TRMT44: variants seen among roughly 807,000 people sequenced by gnomAD.
TRMT44 encodes the protein tRNA methyltransferase 44 homolog, also known as probable tRNA (uracil-O(2)-)-methyltransferase.
TRMT44 carries 78 observed loss-of-function variants against 77.3 expected under a neutral mutation model. The observed-to-expected ratio is 1.01, with a 90% CI of 0.84 to 1.22. The LOEUF is 1.22. Among genes scored for constraint, TRMT44 ranks in the 50% most tolerant of loss-of-function variants. The pLI is 0.00. For synonymous variants in TRMT44, 391 were observed against 383.3 expected, an observed-to-expected ratio of 1.02 and a Z score of -0.23; for missense variants, 1,090 against 964.4, an observed-to-expected ratio of 1.13 and a Z score of -1.73.
chr4:8,485,260 T>G (rs943607863), intron 2 of TRMT44, among the ~76,000 whole-genome samples: 1 of 152,092 alleles, frequency 6.6e-6, no homozygotes, highest in Non-Finnish European at 1.5e-5. Context: ...AAAGCATCTT[T>G]AAGATCAAGA....
In TRMT44 at chr4:8,465,362, T is replaced by A; in HGVS notation, c.1311-16T>A. The stretch of plus-strand genomic sequence containing the variant: ...CTCAGGATGCTTGACCCTGTGGTTG[T>A]TGGTTCTTTTTGAAGGTCTTCCTAC... On this transcript the variant is annotated splice_polypyrimidine_tract_variant and intron_variant, in intron 7 of 10. Coordinates refer to ENST00000389737, the MANE Select transcript of TRMT44 (RefSeq NM_152544.3). 1 of 1,600,454 alleles carries A rather than the reference T, an allele frequency of 6.2e-7. No homozygotes were observed. The highest frequency in any genetic ancestry group is 1.1e-5 in the South Asian group (1 of 89,270).
rs1358370150 is a variant in TRMT44, at chr4:8,475,909, G to A, written c.2182G>A (p.Gly728Ser). The A allele has an allele frequency of 3.1e-6, 5 of 1,614,082 alleles. No individual in the cohort carries two copies. Among genetic ancestry groups the A allele is most frequent in the Middle Eastern group, 1.6e-4 (1 of 6,084 alleles). ...CTGGTTCTTCATGCATCACCCTGAT[G>A]GCTGCGCTCTGTCCACGGACTGCTG... Reference protein sequence around the residue: ...LCWFFMHHPDGCALSTDCCPF... With the variant: ...LCWFFMHHPDSCALSTDCCPF... The change falls in exon 11 of 11, where the codon GGC (glycine) becomes AGC (serine). Residue 728 changes from glycine (G) to serine (S), a missense_variant. Transcript: ENST00000389737.
intron 6 of TRMT44, among the ~76,000 whole-genome samples, chr4:8,457,868 G>T (rs1725903452): frequency 6.6e-6 from 1 of 152,212 alleles, no homozygotes; most frequent in South Asian, 2.1e-4. Context: ...GCCAGTCAAG[G>T]AAATCATGAA....
downstream of TRMT44, chr4:8,478,055 C>T (rs947853782): frequency 2.0e-5 from 3 of 153,192 alleles, no homozygotes; most frequent in Non-Finnish European, 4.4e-5. Flanking sequence ...ACTCCCATTT[C>T]CTCTCCCCTT....
chr4:8,500,499 A>AAAAT, the TRMT44 span, among the ~76,000 whole-genome samples: 5 of 151,996 alleles, frequency 3.3e-5, no homozygotes, highest in African/African-American at 7.3e-5. Flanking sequence ...CCCTCTGGAA[A>AAAAT]AAATAAATAA....
the TRMT44 span, chr4:8,509,871 CT>C: frequency 6.6e-6 from 1 of 152,256 alleles, no homozygotes; most frequent in African/African-American, 2.4e-5. Context: ...GACGCGCTCA[CT>C]TGCTTCTGCC....
chr4:8,452,934 T>C lies in TRMT44; in HGVS notation c.1076T>C (p.Phe359Ser). The C allele has an allele frequency of 1.3e-6, 2 of 1,533,736 alleles. 1 individual carries two copies. The highest frequency in any genetic ancestry group is 2.4e-5 in the South Asian group (2 of 83,660). The change falls in exon 5 of 11, where the codon TTT becomes TCT. Residue 359 changes from phenylalanine to serine, a missense_variant. Coordinates refer to ENST00000389737, the MANE Select transcript of TRMT44 (RefSeq NM_152544.3). The surrounding 1 kb of genome is among the most constrained non-coding windows in gnomAD (Gnocchi z 5.7). Reference protein sequence around the residue: ...AERRLTARQSFVDLGCGNGLL... With the variant: ...AERRLTARQSSVDLGCGNGLL... ...AGGAGACTAACTGCCAGGCAGTCCT[T>C]TGTGGACCTGGGATGTGGAAATGGC...
At chr4:8,515,247 G>A in the TRMT44 span, among the ~76,000 whole-genome samples, 21,733 of 152,276 alleles carry the variant, frequency 0.14, 1,630 homozygotes, top group South Asian at 0.25. Context: ...GATTACAGGT[G>A]TGAGCCAATG....
At chr4:8,484,669 T>A (rs1344797339) in intron 2 of TRMT44, among the ~76,000 whole-genome samples, 1 of 152,154 alleles carries the variant, frequency 6.6e-6, no homozygotes, top group Non-Finnish European at 1.5e-5. Flanking sequence ...GGGCAGTTTC[T>A]AAAGTTGTCT....
intron 2 of TRMT44, among the ~76,000 whole-genome samples, chr4:8,487,436 G>A (rs1032828413): frequency 6.6e-6 from 1 of 151,994 alleles, no homozygotes; most frequent in African/African-American, 2.4e-5. Context: ...GAAATAAGGG[G>A]TTGAGGTGCA....
At chr4:8,500,847 G>A in the TRMT44 span, among the ~76,000 whole-genome samples, 1 of 152,150 alleles carries the variant, frequency 6.6e-6, no homozygotes, top group Non-Finnish European at 1.5e-5. Context: ...TTTTAGTAGA[G>A]ACGGAGGTTT....
chr4:8,466,130 G>A (rs964715231), intron 8 of TRMT44, among the ~76,000 whole-genome samples: 5 of 152,116 alleles, frequency 3.3e-5, no homozygotes, highest in Admixed American at 2.6e-4. Flanking sequence ...TGAAAGTACC[G>A]TGGAAGTGTT....
chr4:8,485,422 G>C (rs1414440662), intron 2 of TRMT44, among the ~76,000 whole-genome samples: 1 of 152,186 alleles, frequency 6.6e-6, no homozygotes, highest in Non-Finnish European at 1.5e-5. Context: ...GGTAAAATGG[G>C]GGAATTGTAA....
At chr4:8,501,382 C>T in the TRMT44 span, among the ~76,000 whole-genome samples, 6 of 152,074 alleles carry the variant, frequency 3.9e-5, no homozygotes, top group East Asian at 3.9e-4. The surrounding 1 kb of genome is among the most constrained non-coding windows in gnomAD (Gnocchi z 4.4). Flanking sequence ...GCTCTGGGAC[C>T]GGATGTCCTG....
In TRMT44 at chr4:8,449,596, GTAAA is replaced by G. The variant is rs918657725; in HGVS notation, c.735-66_735-63del. On this transcript the variant is annotated intron_variant, in intron 2 of 10. Transcript: ENST00000389737. Reference sequence around the variant, plus strand: ...TCTTAGCTTCTGTTTTCTTCATTAGGTAAATAAATAGATAATTTTAAAATAAGAA... The same window carrying G: ...TCTTAGCTTCTGTTTTCTTCATTAGGTAAATAGATAATTTTAAAATAAGAA... 26 of 1,212,590 alleles carry G rather than the reference GTAAA, an allele frequency of 2.1e-5. No individual in the cohort carries two copies. The African/African-American group carries it at 2.3e-4, about 11-fold the overall frequency. The allele number at this position is 1,212,590 out of a possible 1,614,324, so 75.1% of individuals were successfully genotyped here.
chr4:8,459,176 TG>T (rs1161966056), intron 6 of TRMT44, among the ~76,000 whole-genome samples: 3 of 152,220 alleles, frequency 2.0e-5, no homozygotes, highest in Admixed American at 6.5e-5. Context: ...CACACCAGCC[TG>T]GGCGACGCAA....
chr4:8,453,560 T>C (rs1427152929), intron 5 of TRMT44: 1 of 152,238 alleles, frequency 6.6e-6, no homozygotes, highest in Non-Finnish European at 1.5e-5. Context: ...AACAGTGTGG[T>C]GTGTGGTACT....
chr4:8,454,700 G>C, intron 5 of TRMT44, 42 bp from the exon 6 acceptor site: 3 of 1,580,116 alleles, frequency 1.9e-6, no homozygotes, highest in Non-Finnish European at 2.6e-6. Flanking sequence ...TTATTATGAA[G>C]TACTAAGGTT....
In TRMT44 at chr4:8,465,540, C is replaced by T; in HGVS notation, c.1473C>T (p.Leu491=). Residue 491 remains leucine (L), a synonymous_variant, in exon 8 of 11, where the codon CTC becomes CTT. Coordinates refer to ENST00000389737, the MANE Select transcript of TRMT44 (RefSeq NM_152544.3). ...TCGFHVDEDC[L]RIPSTKRVCL... is the part of the protein sequence containing the mutation. ...GGTTTCACGTGGACGAAGACTGCCT[C>T]AGGATTCCTTCAACCAAAAGAGTAT... 4.3e-6 allele frequency: 7 copies of T among 1,613,058 alleles called. No individual in the cohort carries two copies. Among genetic ancestry groups the T allele is most frequent in the Non-Finnish European group, 5.9e-6 (7 of 1,179,656 alleles).
Sources: allele counts gnomAD v4.1 joint callset (sites outside exome capture counted in the v4.1 genomes callset), GRCh38; gene constraint gnomAD v4.1.1; non-coding constraint Gnocchi (gnomAD v3.1); transcripts MANE v1.5; gene names NCBI Gene and HGNC (gene_info 2026-07-23, HGNC 2026-07-21).